Variants in UTP20 observed in about 807,000 individuals in gnomAD.
The protein encoded by UTP20 is small subunit processome component 20 homolog.
In UTP20, 164 loss-of-function variants were observed where a neutral mutation model predicts 329.5. That is an observed-to-expected ratio of 0.50 (90% CI 0.44 to 0.57). The LOEUF is 0.57. UTP20 is among the 20% of genes least tolerant of loss of function. UTP20 has a pLI of 0.00. For synonymous variants in UTP20, 1,151 were observed against 1,159.3 expected, an observed-to-expected ratio of 0.99 and a Z score of 0.14; for missense variants, 3,055 against 3,284.2, an observed-to-expected ratio of 0.93 and a Z score of 1.71.
chr12:101,370,841 TAAAACTCACCATTTTAA>T (rs1348462540), intron 50 of UTP20, among the ~76,000 whole-genome samples, 200 bp from the exon 51 acceptor site: 1 of 152,228 alleles, frequency 6.6e-6, no homozygotes, highest in Non-Finnish European at 1.5e-5. Context: ...GTACATAACA[TAAAACTCACCATTTTAA>T]AAAATTCACC....
At chr12:101,305,368 T>C (rs531876411) in intron 15 of UTP20, among the ~76,000 whole-genome samples, 22 of 151,740 alleles carry the variant, frequency 1.4e-4, no homozygotes, top group African/African-American at 5.3e-4. Context: ...TGCATAAGGA[T>C]GGTACCAAGA....
chr12:101,316,546 T>G (rs1054071337), intron 21 of UTP20, among the ~76,000 whole-genome samples: 1 of 152,234 alleles, frequency 6.6e-6, no homozygotes, highest in African/African-American at 2.4e-5. Context: ...GTCCCAGCCC[T>G]CAGATTGTAG....
At chr12:101,356,364 G>C (rs1011415869) in intron 41 of UTP20, among the ~76,000 whole-genome samples, 190 bp from the exon 42 acceptor site, 9 of 152,180 alleles carry the variant, frequency 5.9e-5, no homozygotes, top group Non-Finnish European at 1.3e-4. Context: ...GATCTCAGGT[G>C]ATCCGCCCAC....
At chr12:101,338,758 C>T in intron 30 of UTP20, 55 bp from the exon 31 acceptor site, 2 of 1,426,968 alleles carry the variant, frequency 1.4e-6, no homozygotes, top group Non-Finnish European at 1.9e-6. Context: ...AGATTTTGTA[C>T]AATTATGCCT....
chr12:101,329,775 G>A lies in UTP20; in HGVS notation c.3417+326G>A, dbSNP rs569724049. 1.7e-3 allele frequency among the ~76,000 whole-genome samples: 260 copies of A among 152,190 alleles called. 1 individual carries two copies. The highest frequency in any genetic ancestry group is 6.0e-3 in the African/African-American group (251 of 41,518). ...TGCCACCACTTTGGGAGGCCAAGGT[G>A]GGAGGATCACTGGATGCCAGGAGTT... On this transcript the variant is annotated intron_variant, in intron 27 of 61. Transcript: ENST00000261637.
At position 101,327,095 on chromosome 12, in the gene UTP20, G is replaced by A. The variant is rs376327544; in HGVS notation, c.3056G>A (p.Arg1019Gln). 10 of 1,602,682 alleles carry A rather than the reference G, an allele frequency of 6.2e-6. No individual in the cohort carries two copies. Among genetic ancestry groups the A allele is most frequent in the Middle Eastern group, 1.7e-4 (1 of 6,056 alleles). The part of the protein sequence containing the change: ...FPILMRILYG[R>Q]MKNKTGSKTQ... ...TGCCTTTTCAGAATTTTGTATGGGC[G>A]AATGAAGAATAAGACTGGGAGTAAA... The change falls in exon 26 of 62, where the codon CGA becomes CAA. Residue 1019 changes from arginine to glutamine, a missense_variant. By Grantham distance (43) the Arg-to-Gln change is conservative. Around this residue, in one of 3 missense-constraint regions of UTP20, gnomAD observed 2,445 missense variants for 2,575.5 expected, o/e 0.95. Coordinates refer to ENST00000261637, the MANE Select transcript of UTP20 (RefSeq NM_014503.3).
intron 32 of UTP20, among the ~76,000 whole-genome samples, chr12:101,342,057 C>T (rs1339765821): frequency 6.6e-6 from 1 of 151,920 alleles, no homozygotes; most frequent in African/African-American, 2.4e-5. Flanking sequence ...ATGCAAATAC[C>T]ATGCCTTTTT....
At chr12:101,299,637 C>T (rs768691108) in intron 12 of UTP20, 45 bp from the exon 13 acceptor site, 56 of 1,502,800 alleles carry the variant, frequency 3.7e-5, no homozygotes, top group East Asian at 1.8e-4. Context: ...AGGGCAAGAG[C>T]GATTACATTC....
Position 101,349,897 on chromosome 12 carries a change from C to G in UTP20, c.4885-2158C>G, listed in dbSNP as rs1228347736. ...TTTGTTTTTTTCATCTTTTTTTTTTCTGGGTTTCATTTTGTTTCATTTTTC... is the reference window on the plus strand; with the variant it reads ...TTTGTTTTTTTCATCTTTTTTTTTTGTGGGTTTCATTTTGTTTCATTTTTC... On this transcript the variant is annotated intron_variant, in intron 38 of 61. Transcript: ENST00000261637. Among the ~76,000 whole-genome samples the G allele has an allele frequency of 4.8e-5, 7 of 145,486 alleles. No homozygotes were observed. The South Asian group carries it at 1.1e-3, about 22-fold the overall frequency.
chr12:101,285,113 T>G (rs950264726), intron 2 of UTP20, among the ~76,000 whole-genome samples: 2 of 152,178 alleles, frequency 1.3e-5, no homozygotes, highest in Non-Finnish European at 2.9e-5. Context: ...TAAACATCTT[T>G]TACTTAAAGG....
intron 10 of UTP20, 36 bp from the exon 11 acceptor site, chr12:101,293,132 G>A: frequency 1.9e-6 from 3 of 1,592,798 alleles, no homozygotes; most frequent in Non-Finnish European, 2.6e-6. Context: ...AATACTCTCT[G>A]TGTACTTACA....
At chr12:101,331,259 A>G (rs1161493973) in intron 27 of UTP20, among the ~76,000 whole-genome samples, 1 of 152,176 alleles carries the variant, frequency 6.6e-6, no homozygotes, top group Non-Finnish European at 1.5e-5. Flanking sequence ...ATTGTACCCA[A>G]TGGGAAGGGT....
chr12:101,307,667 G>A (rs1170217851), intron 17 of UTP20, among the ~76,000 whole-genome samples: 2 of 152,166 alleles, frequency 1.3e-5, no homozygotes, highest in Non-Finnish European at 2.9e-5. Flanking sequence ...GTGAGCCACT[G>A]TACCCAGCCA....
intron 45 of UTP20, among the ~76,000 whole-genome samples, chr12:101,364,652 T>C (rs1166001795): frequency 6.6e-6 from 1 of 152,172 alleles, no homozygotes; most frequent in Non-Finnish European, 1.5e-5. Context: ...CCAGTAAATG[T>C]TATTAATTTA....
intron 23 of UTP20, among the ~76,000 whole-genome samples, 197 bp from the exon 24 acceptor site, chr12:101,320,655 A>G (rs1873120748): frequency 6.6e-6 from 1 of 151,986 alleles, no homozygotes; most frequent in South Asian, 2.1e-4. Context: ...TTTTGTTTCC[A>G]TTTTTACTTT....
chr12:101,368,602 G>A (rs1870177280), intron 48 of UTP20, among the ~76,000 whole-genome samples: 1 of 152,062 alleles, frequency 6.6e-6, no homozygotes, highest in Admixed American at 6.5e-5. Flanking sequence ...CTTCATGAGG[G>A]TGAATGATTT....
At chr12:101,305,499 G>A (rs757801166) in intron 15 of UTP20, among the ~76,000 whole-genome samples, 8 of 148,174 alleles carry the variant, frequency 5.4e-5, no homozygotes, top group African/African-American at 7.4e-5. Flanking sequence ...TCATTAGCTC[G>A]GTGCCTGGCA....
intron 26 of UTP20, 108 bp from the exon 27 acceptor site, chr12:101,329,133 G>A (rs1868667950): frequency 2.1e-6 from 2 of 955,056 alleles, no homozygotes; most frequent in African/African-American, 3.3e-5. Context: ...TACCATGACA[G>A]TAGAAAATAC....
In UTP20 at chr12:101,344,934, C is replaced by CTTTTTTTTTTT. The variant is rs11417670; in HGVS notation, c.4605+203_4605+213dup. ...CTAGAAAGGAGAGCACTTTTTTTTG[C>CTTTTTTTTTTT]TTTTTTTTTTTTTTTTTTTTTTTTT... On this transcript the variant is annotated intron_variant, in intron 36 of 61. Coordinates refer to ENST00000261637, the MANE Select transcript of UTP20 (RefSeq NM_014503.3). Among the ~76,000 whole-genome samples, 40 of 61,564 alleles carry CTTTTTTTTTTT rather than the reference C, an allele frequency of 6.5e-4. 1 individual carries two copies. The highest frequency in any genetic ancestry group is 1.0e-3 in the Non-Finnish European group (33 of 31,968). The allele number at this position is 61,564 out of a possible 152,430, so 40.4% of individuals were successfully genotyped here.
Sources: allele counts gnomAD v4.1 joint callset (sites outside exome capture counted in the v4.1 genomes callset), GRCh38; gene constraint gnomAD v4.1.1; regional missense constraint gnomAD v4.1.1; transcripts MANE v1.5; gene names NCBI Gene and HGNC (gene_info 2026-07-23, HGNC 2026-07-21).